The following EIF2AK4 variants were observed in gnomAD, a reference collection of about 807,000 sequenced individuals.
EIF2AK4 encodes eIF-2-alpha kinase GCN2.
EIF2AK4 carries 139 observed loss-of-function variants against 211.1 expected under a neutral mutation model. The observed-to-expected ratio is 0.66, with a 90% CI of 0.57 to 0.76. EIF2AK4 has a LOEUF of 0.76. EIF2AK4 is among the 30% of genes least tolerant of loss of function. The pLI is 0.00. For missense variants in EIF2AK4, 1,664 were observed against 2,043.8 expected (o/e 0.81, Z 3.58); for synonymous variants, 710 against 751.3 (o/e 0.94, Z 0.90).
intron 1 of EIF2AK4, among the ~76,000 whole-genome samples, chr15:39,936,018 G>T (rs13380337): frequency 0.017 from 2,526 of 152,216 alleles, 80 homozygotes; most frequent in African/African-American, 0.058. Context: ...AGTGTACATG[G>T]GACTCAACAC....
intron 21 of EIF2AK4, chr15:40,002,244 G>A (rs1595421713): frequency 6.6e-6 from 1 of 152,398 alleles, no homozygotes; most frequent in Non-Finnish European, 1.5e-5. Flanking sequence ...TTTCTATAGT[G>A]AAATGGTACT....
intron 33 of EIF2AK4, among the ~76,000 whole-genome samples, chr15:40,027,259 CTGTT>C (rs767694816): frequency 9.2e-5 from 14 of 151,876 alleles, no homozygotes; most frequent in African/African-American, 3.4e-4. Flanking sequence ...ATTCTCCTGT[CTGTT>C]TATGTATTCA....
At chr15:39,979,898 T>C (rs1193781555) in intron 13 of EIF2AK4, among the ~76,000 whole-genome samples, 1 of 152,210 alleles carries the variant, frequency 6.6e-6, no homozygotes, top group Non-Finnish European at 1.5e-5. Context: ...AAGTCCTATC[T>C]TGTGCATACA....
chr15:39,942,952 A>G (rs1012242472), intron 2 of EIF2AK4, among the ~76,000 whole-genome samples: 6 of 152,194 alleles, frequency 3.9e-5, no homozygotes, highest in Non-Finnish European at 8.8e-5. Flanking sequence ...ATTGGCTGCA[A>G]GCTAGGGTAG....
In EIF2AK4 at chr15:40,035,174, A is replaced by G; in HGVS notation, c.*90A>G. ...TGTACATTCATCATAATTTAAAATT[A>G]AATTCTAAGAAGAGGCTGGGTGCAG... On this transcript the variant is annotated 3_prime_UTR_variant, in exon 39 of 39. Transcript: ENST00000263791. The G allele has an allele frequency of 9.1e-7, 1 of 1,102,130 alleles. No homozygotes were observed. The highest frequency in any genetic ancestry group is 1.2e-6 in the Non-Finnish European group (1 of 803,610). 68.3% of individuals were successfully genotyped at this position (1,102,130 alleles called of 1,614,324 possible).
Position 40,017,501 on chromosome 15 carries a change from C to CTTTATATA in EIF2AK4, c.4065+260_4065+261insTTATATAT, listed in dbSNP as rs1363648720. 2.9e-3 allele frequency among the ~76,000 whole-genome samples: 76 copies of CTTTATATA among 26,096 alleles called. 8 individuals carry two copies. The highest frequency in any genetic ancestry group is 0.021 in the Middle Eastern group (1 of 48). 17.1% of individuals were successfully genotyped at this position (26,096 alleles called of 152,430 possible). On this transcript the variant is annotated intron_variant, in intron 29 of 38. Transcript: ENST00000263791. ...GGCTCATGTACCCTTTACTCTGTTT[C>CTTTATATA]TATATATATATATATATATATATAT...
intron 1 of EIF2AK4, among the ~76,000 whole-genome samples, chr15:39,934,654 C>G (rs1197481515): frequency 1.3e-5 from 2 of 152,158 alleles, no homozygotes; most frequent in Non-Finnish European, 2.9e-5. Flanking sequence ...CAACCTTGTC[C>G]TTTTTCCCCT....
chr15:39,992,581 G>A (rs2034958400), intron 17 of EIF2AK4, 188 bp from the exon 18 acceptor site: 1 of 606,872 alleles, frequency 1.6e-6, no homozygotes, highest in South Asian at 2.0e-5. Flanking sequence ...TCCTTGTGTA[G>A]AACCGAATGT....
At chr15:40,003,960 A>C (rs569515660) in intron 23 of EIF2AK4, among the ~76,000 whole-genome samples, 28 of 152,360 alleles carry the variant, frequency 1.8e-4, no homozygotes, top group Middle Eastern at 3.4e-3. Context: ...TGAGCAAAGG[A>C]TATAACCAGG....
intron 6 of EIF2AK4, among the ~76,000 whole-genome samples, chr15:39,955,969 G>A (rs947879224): frequency 1.3e-5 from 2 of 149,618 alleles, no homozygotes; most frequent in Non-Finnish European, 3.0e-5. Context: ...CACTTTCCAA[G>A]TATCTATCAT....
chr15:40,017,318 A>G, intron 29 of EIF2AK4, 76 bp downstream of exon 29: 1 of 1,495,802 alleles, frequency 6.7e-7, no homozygotes, highest in Non-Finnish European at 9.0e-7. Flanking sequence ...AAATTTTCAA[A>G]CTAACACCAA....
At chr15:39,963,507 T>C (rs984184554) in intron 7 of EIF2AK4, among the ~76,000 whole-genome samples, 1 of 152,234 alleles carries the variant, frequency 6.6e-6, no homozygotes, top group Non-Finnish European at 1.5e-5. Context: ...TTTTTTAAAA[T>C]ATGCCCTAAT....
intron 19 of EIF2AK4, among the ~76,000 whole-genome samples, chr15:39,998,257 G>GTTTTTTTTTTTTTTTTT (rs752625722): frequency 1.4e-4 from 15 of 109,748 alleles, no homozygotes; most frequent in Non-Finnish European, 2.6e-4. Flanking sequence ...TATGGGTGTG[G>GTTTTTTTTTTTTTTTTT]TTTTTTTTTT....
In EIF2AK4 at chr15:39,978,801, T is replaced by G. The variant is rs74009081; in HGVS notation, c.2319+654T>G. On this transcript the variant is annotated intron_variant, in intron 13 of 38. Transcript: ENST00000263791. ...GTTTTCAATGGAGAAATACATCATC[T>G]GTTGACAAAATAGCTTTTGAAAAAT... 6.9e-3 allele frequency among the ~76,000 whole-genome samples: 1,044 copies of G among 152,330 alleles called. 9 individuals carry two copies. Among genetic ancestry groups the G allele is most frequent in the African/African-American group, 0.023 (952 of 41,570 alleles).
At chr15:40,000,942 A>G in intron 20 of EIF2AK4, 46 bp from the exon 21 acceptor site, 4 of 1,584,896 alleles carry the variant, frequency 2.5e-6, no homozygotes, top group Non-Finnish European at 3.5e-6. Flanking sequence ...ATAGCTGAGC[A>G]TTATCCATTG....
At chr15:39,979,498 T>C (rs2034750128) in intron 13 of EIF2AK4, among the ~76,000 whole-genome samples, 1 of 152,240 alleles carries the variant, frequency 6.6e-6, no homozygotes, top group Non-Finnish European at 1.5e-5. Context: ...GATCTTCTGC[T>C]GCTTAATTAT....
At chr15:39,963,637 G>T (rs1211875981) in intron 7 of EIF2AK4, among the ~76,000 whole-genome samples, 1 of 152,146 alleles carries the variant, frequency 6.6e-6, no homozygotes, top group Non-Finnish European at 1.5e-5. Flanking sequence ...ACAGAGGAGA[G>T]AACTTACTTA....
intron 8 of EIF2AK4, among the ~76,000 whole-genome samples, chr15:39,966,260 A>G (rs533888260): frequency 1.2e-4 from 19 of 152,312 alleles, no homozygotes; most frequent in Middle Eastern, 3.4e-3. Flanking sequence ...ACTTGAGCCC[A>G]GGAGGTTGAG....
At chr15:39,962,647 A>C (rs537359516) in intron 7 of EIF2AK4, among the ~76,000 whole-genome samples, 21 of 152,280 alleles carry the variant, frequency 1.4e-4, no homozygotes, top group African/African-American at 5.1e-4. Context: ...TCTTAAGTGG[A>C]TATCCATCCA....
Sources: allele counts gnomAD v4.1 joint callset (sites outside exome capture counted in the v4.1 genomes callset), GRCh38; gene constraint gnomAD v4.1.1; transcripts MANE v1.5; gene names NCBI Gene and HGNC (gene_info 2026-07-23, HGNC 2026-07-21).